The following PPFIBP1 variants were observed in gnomAD, a reference collection of about 807,000 sequenced individuals.
PPFIBP1 encodes the protein PPFIB scaffold protein 1.
Under a neutral mutation model 137.8 loss-of-function variants are expected in PPFIBP1, and 112 were observed. That is an observed-to-expected ratio of 0.81 (90% CI 0.70 to 0.95). The LOEUF is 0.95. Among genes scored for constraint, PPFIBP1 ranks in the 40% least tolerant of loss-of-function variants. PPFIBP1 has a pLI of 0.00. For synonymous variants in PPFIBP1, 378 were observed against 417.3 expected (o/e 0.91, Z 1.15); for missense variants, 1,083 against 1,196.6 (o/e 0.91, Z 1.40).
chr12:27,598,417 C>T (rs973094118), intron 2 of PPFIBP1, among the ~76,000 whole-genome samples: 5 of 152,134 alleles, frequency 3.3e-5, no homozygotes, highest in African/African-American at 1.2e-4. Context: ...GAAAGACCCA[C>T]CCCCCATGAT....
intron 9 of PPFIBP1, 36 bp from the exon 10 acceptor site, chr12:27,658,780 A>T (rs763376839): frequency 6.3e-7 from 1 of 1,586,504 alleles, no homozygotes; most frequent in Admixed American, 1.7e-5. Flanking sequence ...GTTGTAATGT[A>T]TGCTAACTTC....
chr12:27,548,079 C>G (rs1329480042), intron 1 of PPFIBP1: 1 of 152,156 alleles, frequency 6.6e-6, no homozygotes, highest in African/African-American at 2.4e-5. Context: ...ATTAAATAAA[C>G]AGATCTCCAG....
intron 6 of PPFIBP1, among the ~76,000 whole-genome samples, chr12:27,648,415 A>G (rs1428771057): frequency 6.6e-6 from 1 of 152,258 alleles, no homozygotes; most frequent in South Asian, 2.1e-4. Context: ...GTAAATTCAT[A>G]CAACTGCTAT....
intron 2 of PPFIBP1, among the ~76,000 whole-genome samples, chr12:27,606,919 G>A (rs891620055): frequency 1.3e-5 from 2 of 152,128 alleles, no homozygotes; most frequent in Admixed American, 6.5e-5. Flanking sequence ...CTATCAAGAT[G>A]AATTTTATAT....
At chr12:27,631,838 G>T (rs367904972) in intron 2 of PPFIBP1, among the ~76,000 whole-genome samples, 39 of 152,232 alleles carry the variant, frequency 2.6e-4, no homozygotes, top group African/African-American at 9.4e-4. Context: ...TTTCTAACAT[G>T]GGCATTACTT....
chr12:27,621,749 T>C lies in PPFIBP1; in HGVS notation c.-35-11613T>C, dbSNP rs116246167. On this transcript the variant is annotated intron_variant, in intron 2 of 29. Coordinates refer to ENST00000228425, the MANE Select transcript of PPFIBP1 (RefSeq NM_003622.4). ...GTTTATAAGATTATTTATAAAAACT[T>C]ATTCCTCCACAAAACTGTTTCCTTG... is the stretch of plus-strand genomic sequence containing the variant. Among the ~76,000 whole-genome samples the C allele has an allele frequency of 2.8e-3, 434 of 152,340 alleles. 1 individual carries two copies. Among genetic ancestry groups the C allele is most frequent in the African/African-American group, 9.9e-3 (413 of 41,574 alleles).
rs188311295 is a variant in PPFIBP1 at position 27,570,806 on chromosome 12, G to A, written c.-123-7346G>A. Among the ~76,000 whole-genome samples, 176 of 152,188 alleles carry A rather than the reference G, an allele frequency of 1.2e-3. 1 individual carries two copies. Among genetic ancestry groups the A allele is most frequent in the East Asian group, 6.6e-3 (34 of 5,182 alleles). ...CGGGCGCCTGTAGTCCCAGCTACTC[G>A]GGAGGCTGAGGCAGGAGAATGGCGT... On this transcript the variant is annotated intron_variant, in intron 1 of 29. Transcript: ENST00000228425.
Position 27,550,197 on chromosome 12 carries a change from C to T in PPFIBP1, c.-124+25832C>T, listed in dbSNP as rs186271685. Among the ~76,000 whole-genome samples the T allele has an allele frequency of 1.3e-5, 2 of 152,292 alleles. 1 individual carries two copies. Among genetic ancestry groups the T allele is most frequent in the African/African-American group, 4.8e-5 (2 of 41,566 alleles). On this transcript the variant is annotated intron_variant, in intron 1 of 29. Coordinates refer to ENST00000228425, the MANE Select transcript of PPFIBP1 (RefSeq NM_003622.4). ...ACAGGGAGCTGGACTCTATCAGTGG[C>T]CCCATGGGGGAGCTGGGCAGTAATC...
chr12:27,631,886 G>A (rs2057296611), intron 2 of PPFIBP1, among the ~76,000 whole-genome samples: 1 of 152,030 alleles, frequency 6.6e-6, no homozygotes, highest in South Asian at 2.1e-4. Context: ...GCTGAGCCTG[G>A]TATGTGTCTC....
At chr12:27,593,494 C>A in intron 2 of PPFIBP1, 5 of 439,428 alleles carry the variant, frequency 1.1e-5, no homozygotes, top group South Asian at 8.6e-5. Context: ...CAGGTCTTGA[C>A]AAGCATCATG....
chr12:27,604,636 G>A (rs1277239589), intron 2 of PPFIBP1, among the ~76,000 whole-genome samples: 3 of 152,194 alleles, frequency 2.0e-5, no homozygotes, highest in Admixed American at 6.5e-5. Flanking sequence ...CCTGCCTCTC[G>A]CATGGATCTC....
At chr12:27,654,656 A>G in intron 7 of PPFIBP1, 66 bp from the exon 8 acceptor site, 1 of 1,519,740 alleles carries the variant, frequency 6.6e-7, no homozygotes, top group South Asian at 1.4e-5. Context: ...CCAAGCTGCT[A>G]TTTTATAGGT....
intron 1 of PPFIBP1, among the ~76,000 whole-genome samples, chr12:27,576,512 C>A (rs1434778483): frequency 6.6e-6 from 1 of 152,142 alleles, no homozygotes; most frequent in African/African-American, 2.4e-5. Context: ...CTTCCTTCTG[C>A]TCATTACGTT....
chr12:27,570,512 C>A (rs2050048600), intron 1 of PPFIBP1, among the ~76,000 whole-genome samples: 1 of 152,082 alleles, frequency 6.6e-6, no homozygotes, highest in Admixed American at 6.5e-5. Context: ...TTATAAAGTA[C>A]AGATAAACAA....
chr12:27,545,159 CA>C (rs550157676), intron 1 of PPFIBP1, among the ~76,000 whole-genome samples: 108 of 151,570 alleles, frequency 7.1e-4, no homozygotes, highest in African/African-American at 2.4e-3. Flanking sequence ...CACATGTTCT[CA>C]CTCATAAGTG....
intron 9 of PPFIBP1, chr12:27,657,220 G>T (rs2059259115): frequency 6.6e-6 from 1 of 152,420 alleles, no homozygotes; most frequent in Admixed American, 6.5e-5. Context: ...AGAAAAATAG[G>T]CTAATTCTGT....
At chr12:27,625,467 A>G (rs578147809) in intron 2 of PPFIBP1, among the ~76,000 whole-genome samples, 8 of 152,316 alleles carry the variant, frequency 5.3e-5, no homozygotes, top group Non-Finnish European at 1.0e-4. Context: ...AAAGATAAGT[A>G]TAATAGCATT....
rs757139866 is a variant in PPFIBP1, at chr12:27,658,863, A to G, written c.844+15A>G. On this transcript the variant is annotated intron_variant, in intron 10 of 29. Transcript: ENST00000228425. The stretch of plus-strand genomic sequence containing the variant: ...CAAAGAAAAAAGTAAGGTTTGGTGC[A>G]TTTCCATCAGCCTTTACATTCACCA... 4 of 1,610,604 alleles carry G rather than the reference A, an allele frequency of 2.5e-6. No homozygotes were observed. The highest frequency in any genetic ancestry group is 3.4e-6 in the Non-Finnish European group (4 of 1,177,270).
chr12:27,533,358 T>C (rs1944615335), intron 1 of PPFIBP1, among the ~76,000 whole-genome samples: 1 of 152,210 alleles, frequency 6.6e-6, no homozygotes, highest in Non-Finnish European at 1.5e-5. Flanking sequence ...TTATACTTTT[T>C]ATGTACCAAG....
Sources: gnomAD v4.1 joint callset for allele counts (sites outside exome capture counted in the v4.1 genomes callset) on GRCh38, gnomAD v4.1.1 for gene constraint, MANE v1.5 for transcripts, NCBI Gene and HGNC (gene_info 2026-07-23, HGNC 2026-07-21) for gene names.